RUNX2: variants seen among roughly 807,000 people sequenced by gnomAD.
RUNX2 encodes RUNX family transcription factor 2.
In RUNX2, 10 loss-of-function variants were observed where a neutral mutation model predicts 51.7. The ratio of observed to expected loss-of-function variants is 0.19; its 90% confidence interval spans 0.12 to 0.33. The LOEUF (loss-of-function observed/expected upper bound fraction) is 0.33. RUNX2 is among the 10% of genes least tolerant of loss of function. The pLI is 1.00. For synonymous variants in RUNX2, 276 were observed against 273.6 expected (o/e 1.01, Z -0.09); for missense variants, 562 against 691.3 (o/e 0.81, Z 2.10).
chr6:45,503,160 T>C (rs1800849198), intron 6 of RUNX2, among the ~76,000 whole-genome samples: 1 of 152,126 alleles, frequency 6.6e-6, no homozygotes, highest in Non-Finnish European at 1.5e-5. Flanking sequence ...ACCATGAACA[T>C]CTCTTTTTCA....
At chr6:45,362,966 T>G (rs1269960821) in intron 2 of RUNX2, among the ~76,000 whole-genome samples, 2 of 152,074 alleles carry the variant, frequency 1.3e-5, no homozygotes, top group Non-Finnish European at 2.9e-5. Flanking sequence ...TGGGAACAGT[T>G]TGGTTTTTTT....
intron 2 of RUNX2, chr6:45,377,414 T>C (rs923070590): frequency 6.6e-6 from 1 of 151,950 alleles, no homozygotes; most frequent in Non-Finnish European, 1.5e-5. Context: ...TTTCCCTCTT[T>C]AATGATTCCT....
At chr6:45,509,242 A>G (rs1801070887) in intron 6 of RUNX2, among the ~76,000 whole-genome samples, 1 of 152,226 alleles carries the variant, frequency 6.6e-6, no homozygotes, top group South Asian at 2.1e-4. Context: ...GTTTTTCTGT[A>G]GTACTTTATA....
intron 5 of RUNX2, among the ~76,000 whole-genome samples, chr6:45,439,444 A>G (rs974970485): frequency 1.4e-4 from 21 of 152,174 alleles, no homozygotes; most frequent in African/African-American, 4.8e-4. Flanking sequence ...CTGGATAGCC[A>G]TAAGTTGGGG....
chr6:45,380,126 G>A (rs1343931086), intron 2 of RUNX2, among the ~76,000 whole-genome samples: 1 of 152,040 alleles, frequency 6.6e-6, no homozygotes, highest in Admixed American at 6.6e-5. Context: ...TATACAAAGG[G>A]CCAAAAATAT....
At chr6:45,469,520 A>G (rs929706723) in intron 5 of RUNX2, among the ~76,000 whole-genome samples, 11 of 152,222 alleles carry the variant, frequency 7.2e-5, no homozygotes, top group African/African-American at 2.7e-4. Flanking sequence ...GTCCACTGGA[A>G]TTATTATTAA....
At position 45,452,593 on chromosome 6, in the gene RUNX2, A is replaced by G. The variant is rs12526388; in HGVS notation, c.685+14542A>G. 9.0e-3 allele frequency among the ~76,000 whole-genome samples: 1,365 copies of G among 152,330 alleles called. 47 individuals carry two copies. The East Asian group carries it at 0.093, about 10-fold the overall frequency. ...TAATAATTAATTAGTACACCTGCAC[A>G]TGGTTTGCTTTAAGCACTCACTGAT... On this transcript the variant is annotated intron_variant, in intron 5 of 8. Transcript: ENST00000647337.
chr6:45,472,116 G>A (rs1351180074), intron 5 of RUNX2, among the ~76,000 whole-genome samples: 3 of 151,842 alleles, frequency 2.0e-5, no homozygotes, highest in Admixed American at 1.3e-4. Context: ...TTTTTTAATT[G>A]TTTCTGTTTT....
intron 6 of RUNX2, among the ~76,000 whole-genome samples, chr6:45,508,429 T>C (rs965689335): frequency 2.6e-5 from 4 of 152,150 alleles, no homozygotes. Context: ...GCTTTCTCCA[T>C]GTTGGTCAGG....
chr6:45,386,167 A>G (rs1797343962), intron 2 of RUNX2, among the ~76,000 whole-genome samples: 1 of 151,144 alleles, frequency 6.6e-6, no homozygotes, highest in Non-Finnish European at 1.5e-5. Context: ...TCCCAGGTTC[A>G]AGCGATTCTC....
intron 3 of RUNX2, 70 bp downstream of exon 3, chr6:45,423,027 C>G (rs1035030964): frequency 1.9e-5 from 30 of 1,571,542 alleles, no homozygotes; most frequent in Non-Finnish European, 2.5e-5. Flanking sequence ...TCTTCCTGCC[C>G]ACGGGGCTGG....
intron 6 of RUNX2, among the ~76,000 whole-genome samples, chr6:45,505,985 G>A (rs927973234): frequency 1.3e-5 from 2 of 152,158 alleles, no homozygotes; most frequent in African/African-American, 2.4e-5. Context: ...GCTTTCAGTG[G>A]CTTCTACCTT....
chr6:45,370,345 G>A (rs1795849937), intron 2 of RUNX2, among the ~76,000 whole-genome samples: 1 of 152,198 alleles, frequency 6.6e-6, no homozygotes, highest in Non-Finnish European at 1.5e-5. Flanking sequence ...TTAGAAACTG[G>A]TTGAATGGTG....
intron 7 of RUNX2, among the ~76,000 whole-genome samples, chr6:45,531,569 A>G (rs1485523080): frequency 2.6e-5 from 4 of 152,156 alleles, no homozygotes; most frequent in Non-Finnish European, 5.9e-5. Flanking sequence ...CCTGGCCAAC[A>G]TGGTGAAACC....
At chr6:45,470,905 T>A (rs1799781114) in intron 5 of RUNX2, among the ~76,000 whole-genome samples, 1 of 152,226 alleles carries the variant, frequency 6.6e-6, no homozygotes, top group African/African-American at 2.4e-5. Flanking sequence ...CTGATTCATT[T>A]TAACCCATTT....
chr6:45,361,198 A>AT (rs1794195769), intron 2 of RUNX2, among the ~76,000 whole-genome samples: 1 of 152,138 alleles, frequency 6.6e-6, no homozygotes, highest in African/African-American at 2.4e-5. Context: ...TCTGATTAAA[A>AT]TTTTTTTAAT....
chr6:45,466,999 G>C (rs1372530122), intron 5 of RUNX2, among the ~76,000 whole-genome samples: 3 of 152,110 alleles, frequency 2.0e-5, no homozygotes, highest in African/African-American at 7.2e-5. Context: ...GAGTCACTTA[G>C]ACTTGTCGCC....
In RUNX2 at chr6:45,439,079, C is replaced by T. The variant is rs78375109; in HGVS notation, c.685+1028C>T. Among the ~76,000 whole-genome samples the T allele has an allele frequency of 1.1e-3, 162 of 152,234 alleles. 1 individual carries two copies. The East Asian group carries it at 0.027, about 26-fold the overall frequency. On this transcript the variant is annotated intron_variant, in intron 5 of 8. Coordinates refer to ENST00000647337, the MANE Select transcript of RUNX2 (RefSeq NM_001024630.4). ...AGAGAAAAGGTCTCATAAAGTTTTG[C>T]CTCTACCCAAGCAGCATACCTTCCT...
chr6:45,337,356 G>A (rs188746312), intron 2 of RUNX2, among the ~76,000 whole-genome samples: 4 of 151,436 alleles, frequency 2.6e-5, no homozygotes, highest in Admixed American at 6.6e-5. Flanking sequence ...ATCAATTATG[G>A]TGTATCTCCA....
Sources: allele counts gnomAD v4.1 joint callset (sites outside exome capture counted in the v4.1 genomes callset), GRCh38; gene constraint gnomAD v4.1.1; transcripts MANE v1.5; gene names NCBI Gene and HGNC (gene_info 2026-07-23, HGNC 2026-07-21).